Variants in RSPH6A observed in about 807,000 individuals in gnomAD.
RSPH6A encodes the protein radial spoke head protein 6 homolog A.
RSPH6A carries 49 observed loss-of-function variants against 66.1 expected under a neutral mutation model. The ratio of observed to expected loss-of-function variants is 0.74; its 90% CI spans 0.59 to 0.94. The LOEUF is 0.94. RSPH6A is among the 40% of genes least tolerant of loss of function. RSPH6A has a pLI of 0.00. For synonymous variants in RSPH6A, 419 were observed against 402.4 expected, an observed-to-expected ratio of 1.04 and a Z score of -0.49; for missense variants, 977 against 948.3, an observed-to-expected ratio of 1.03 and a Z score of -0.40.
chr19:45,795,814 T>G lies in RSPH6A; in HGVS notation c.*55A>C. The G allele has an allele frequency of 6.7e-7, 1 of 1,486,620 alleles. No homozygotes were observed. Among genetic ancestry groups the G allele is most frequent in the Non-Finnish European group, 9.2e-7 (1 of 1,090,072 alleles). The allele number at this position is 1,486,620 out of a possible 1,614,324, so 92.1% of individuals were successfully genotyped here. Reference sequence around the variant, plus strand: ...GAAAATATAATCCATGCTAACTACCTCTAAGGGGAAATTTGCTATCTACCT... The same window carrying G: ...GAAAATATAATCCATGCTAACTACCGCTAAGGGGAAATTTGCTATCTACCT... On this transcript the variant is annotated 3_prime_UTR_variant, in exon 6 of 6. Coordinates refer to ENST00000221538, the MANE Select transcript of RSPH6A (RefSeq NM_030785.4).
chr19:45,802,153 G>A lies in RSPH6A; in HGVS notation c.1765C>T (p.Pro589Ser). ...TCTGAAAGTGGCGTTAGCAGTGGGGGGCCAACCTCCTGCTCCACCTCCTCT... is the reference window on the plus strand; with the variant it reads ...TCTGAAAGTGGCGTTAGCAGTGGGGAGCCAACCTCCTGCTCCACCTCCTCT... ...GPEEVEQEVG[P>S]PLLTPLSEDA... is the part of the protein sequence containing the mutation. Residue 589 changes from proline (P) to serine (S), a missense_variant, in exon 4 of 6, where the codon CCC becomes TCC. Coordinates refer to ENST00000221538, the MANE Select transcript of RSPH6A (RefSeq NM_030785.4). The A allele has an allele frequency of 6.4e-7, 1 of 1,555,912 alleles. No individual in the cohort carries two copies. The highest frequency in any genetic ancestry group is 8.7e-7 in the Non-Finnish European group (1 of 1,145,930).
chr19:45,806,293 A>G (rs1035756389), intron 2 of RSPH6A, among the ~76,000 whole-genome samples: 3 of 152,022 alleles, frequency 2.0e-5, no homozygotes, highest in African/African-American at 7.2e-5. Flanking sequence ...AGGAGGAGGA[A>G]AAAGAGGAAG....
chr19:45,804,526 G>A lies in RSPH6A; in HGVS notation c.1379C>T (p.Thr460Ile). 1 of 1,614,238 alleles carries A rather than the reference G, an allele frequency of 6.2e-7. No individual in the cohort carries two copies. Residue 460 changes from threonine to isoleucine, a missense_variant, in exon 3 of 6, where the codon ACA becomes ATA. Thr to Ile is a moderately conservative substitution (Grantham distance 89, BLOSUM62 -1). Transcript: ENST00000221538. This position sits in a 1 kb window ranked among gnomAD's most constrained non-coding sequence, Gnocchi z 5.8. ...GACGACTGGCGTGTCCAGGTAGCCTGTGAAGAACTTCTTGATCTTTCGGGC... is the reference window on the plus strand; with the variant it reads ...GACGACTGGCGTGTCCAGGTAGCCTATGAAGAACTTCTTGATCTTTCGGGC... ...VNARKIKKFF[T>I]GYLDTPVVSY...
intron 1 of RSPH6A, 32 bp downstream of exon 1, chr19:45,814,495 C>G (rs1328998702): frequency 3.5e-6 from 5 of 1,441,814 alleles, no homozygotes; most frequent in Non-Finnish European, 4.6e-6. Flanking sequence ...TGCCTGGGTC[C>G]CCCACCCGCC....
rs1218569823 is a variant in RSPH6A, at chr19:45,798,048, G to A, written c.1917-1942C>T. On this transcript the variant is annotated intron_variant, in intron 5 of 5. Coordinates refer to ENST00000221538, the MANE Select transcript of RSPH6A (RefSeq NM_030785.4). ...GAGGGGACTAAGAGGTAGGGAGAGA[G>A]GGAGACAGAGACTGATAAAGAGGCA... 3.3e-5 allele frequency among the ~76,000 whole-genome samples: 5 copies of A among 152,002 alleles called. 1 individual carries two copies. Among genetic ancestry groups the A allele is most frequent in the South Asian group, 2.1e-4 (1 of 4,822 alleles).
intron 1 of RSPH6A, among the ~76,000 whole-genome samples, chr19:45,813,510 A>AT (rs1404352770): frequency 6.7e-6 from 1 of 150,340 alleles, no homozygotes; most frequent in African/African-American, 2.4e-5. Context: ...TGCCCTGATA[A>AT]TTTTTGTATT....
At position 45,814,742 on chromosome 19, in the gene RSPH6A, G is replaced by A. The variant is rs1280894255; in HGVS notation, c.435C>T (p.Pro145=). The change falls in exon 1 of 6, where the codon CCC becomes CCT. Residue 145 remains proline, a synonymous_variant. Transcript: ENST00000221538. ...DPTFQEPPVN[P]LGQFNLYQTD... ...TCTGGTAGAGGTTGAACTGGCCCAA[G>A]GGGTTGACTGGGGGCTCCTGGAAGG... The A allele has an allele frequency of 1.2e-6, 2 of 1,613,866 alleles. 1 individual carries two copies. Among genetic ancestry groups the A allele is most frequent in the South Asian group, 2.2e-5 (2 of 90,982 alleles).
intron 5 of RSPH6A, 32 bp downstream of exon 5, chr19:45,800,414 C>G (rs553214585): frequency 1.2e-5 from 19 of 1,591,424 alleles, no homozygotes; most frequent in Non-Finnish European, 1.6e-5. Flanking sequence ...CTGAGAGATT[C>G]TCCTGCTGGG....
intron 2 of RSPH6A, among the ~76,000 whole-genome samples, chr19:45,806,317 G>A (rs1970542396): frequency 6.6e-6 from 1 of 151,922 alleles, no homozygotes; most frequent in Non-Finnish European, 1.5e-5. Flanking sequence ...GAAAGAAAGA[G>A]AAAGACAGAA....
intron 5 of RSPH6A, among the ~76,000 whole-genome samples, chr19:45,797,248 C>T (rs1278089358): frequency 6.6e-6 from 1 of 151,598 alleles, no homozygotes; most frequent in Non-Finnish European, 1.5e-5. Context: ...GGCGTGGTGG[C>T]AGGCGCCTGT....
At chr19:45,813,528 A>G (rs1970656798) in intron 1 of RSPH6A, among the ~76,000 whole-genome samples, 1 of 151,338 alleles carries the variant, frequency 6.6e-6, no homozygotes, top group Non-Finnish European at 1.5e-5. Context: ...ATTTTTTAGT[A>G]GAGACAGGGT....
chr19:45,802,187 ATCTGCCTTC>A lies in RSPH6A; in HGVS notation c.1722_1730del (p.Glu574_Ala576del). ...CCTGCTCCACCTCCTCTGGCCCCTC[ATCTGCCTTC>A]TCTTCCTCCTCCCCCAGGTCCTCCT... On this transcript the variant is annotated inframe_deletion, in exon 4 of 6. Transcript: ENST00000221538. 6.4e-7 allele frequency: 1 copy of A among 1,556,110 alleles called. No homozygotes were observed. Among genetic ancestry groups the A allele is most frequent in the African/African-American group, 1.4e-5 (1 of 72,760 alleles).
intron 2 of RSPH6A, among the ~76,000 whole-genome samples, chr19:45,808,603 GA>G (rs111659288): frequency 0.084 from 12,412 of 148,304 alleles, 609 homozygotes; most frequent in Non-Finnish European, 0.1. Flanking sequence ...AAAAAAAATG[GA>G]AAAAATAAAA....
chr19:45,799,538 AT>A (rs1165706934), intron 5 of RSPH6A, among the ~76,000 whole-genome samples: 7 of 151,170 alleles, frequency 4.6e-5, no homozygotes, highest in East Asian at 1.9e-4. Flanking sequence ...GATTTTAAAA[AT>A]TTTTTTAATT....
intron 2 of RSPH6A, among the ~76,000 whole-genome samples, chr19:45,807,667 C>T (rs1334180854): frequency 6.6e-6 from 1 of 152,050 alleles, no homozygotes; most frequent in Non-Finnish European, 1.5e-5. Flanking sequence ...CACACCACCA[C>T]GCCAGGCTAA....
chr19:45,815,118 G>C lies in RSPH6A; in HGVS notation c.59C>G (p.Thr20Ser). ...GTGCCGCCTCTGGGAGGCCTGAGAA[G>C]TCCTCCGGCCCGGAGGCTGCTGGGC... The part of the protein sequence containing the change: ...RPAQQPPGRR[T>S]SQASQRRHSR... The change falls in exon 1 of 6, where the codon ACT becomes AGT. Residue 20 changes from threonine to serine, a missense_variant. Transcript: ENST00000221538. The C allele has an allele frequency of 6.2e-7, 1 of 1,612,402 alleles. No individual in the cohort carries two copies. Among genetic ancestry groups the C allele is most frequent in the Non-Finnish European group, 8.5e-7 (1 of 1,179,994 alleles).
intron 5 of RSPH6A, 56 bp downstream of exon 5, chr19:45,800,390 G>T: frequency 6.5e-7 from 1 of 1,534,490 alleles, no homozygotes. Context: ...AGCCCAACCA[G>T]GCTTGAAGAA....
chr19:45,815,045 C>A lies in RSPH6A; in HGVS notation c.132G>T (p.Gln44His). ...QALAADPEER[Q>H]QIPPDAQRNA... Reference sequence around the variant, plus strand: ...TTCGCTGGGCGTCTGGAGGTATCTGCTGCCTCTCCTCGGGGTCCGCTGCCA... The same window carrying A: ...TTCGCTGGGCGTCTGGAGGTATCTGATGCCTCTCCTCGGGGTCCGCTGCCA... Residue 44 changes from glutamine (Q) to histidine (H), a missense_variant, in exon 1 of 6, where the codon CAG becomes CAT. Physicochemically the swap from Gln to His is conservative, Grantham distance 24. Coordinates refer to ENST00000221538, the MANE Select transcript of RSPH6A (RefSeq NM_030785.4). The A allele has an allele frequency of 2.5e-6, 4 of 1,613,704 alleles. No individual in the cohort carries two copies. The highest frequency in any genetic ancestry group is 3.4e-6 in the Non-Finnish European group (4 of 1,180,034).
chr19:45,812,051 G>T (rs1022099127), intron 1 of RSPH6A, among the ~76,000 whole-genome samples: 6 of 151,222 alleles, frequency 4.0e-5, no homozygotes, highest in Admixed American at 3.3e-4. Context: ...AAAGTGCTGG[G>T]TTAACAGGTG....
Sources: gnomAD v4.1 joint callset for allele counts (sites outside exome capture counted in the v4.1 genomes callset) on GRCh38, gnomAD v4.1.1 for gene constraint, Gnocchi (gnomAD v3.1) non-coding constraint, MANE v1.5 for transcripts, NCBI Gene and HGNC (gene_info 2026-07-23, HGNC 2026-07-21) for gene names.